The following GSTA5 variants were observed in gnomAD, a reference collection of about 807,000 sequenced individuals.
GSTA5 encodes glutathione S-transferase alpha 5, also known as glutathione S-transferase A5.
GSTA5 carries 25 observed loss-of-function variants against 21.8 expected under a neutral mutation model. That is an observed-to-expected ratio of 1.14 (90% CI 0.83 to 1.60). GSTA5 has a LOEUF of 1.60. GSTA5 is among the 40% of genes most tolerant of loss of function. The pLI is 0.00. For missense variants in GSTA5, 330 were observed against 259.2 expected, an observed-to-expected ratio of 1.27 and a Z score of -1.88; for synonymous variants, 102 against 89.5, an observed-to-expected ratio of 1.14 and a Z score of -0.78.
chr6:52,842,836 T>C (rs1447317187), upstream of GSTA5, among the ~76,000 whole-genome samples: 1 of 152,234 alleles, frequency 6.6e-6, no homozygotes, highest in East Asian at 1.9e-4. Flanking sequence ...CATGCCATGC[T>C]GGTTTGCTGC....
At chr6:52,835,972 T>C (rs1250778949) in intron 3 of GSTA5, among the ~76,000 whole-genome samples, 1 of 152,190 alleles carries the variant, frequency 6.6e-6, no homozygotes, top group Admixed American at 6.5e-5. Flanking sequence ...CCTCAGTTCA[T>C]AGGGTTTATG....
upstream of GSTA5, among the ~76,000 whole-genome samples, chr6:52,842,858 C>T (rs1406522218): frequency 6.6e-5 from 10 of 152,084 alleles, no homozygotes; most frequent in African/African-American, 9.7e-5. Context: ...CCTTTCAACC[C>T]GTCATCTATA....
In GSTA5 at chr6:52,834,203, C is replaced by G. The variant is rs1764259528; in HGVS notation, c.352G>C (p.Asp118His). 1 of 1,614,170 alleles carries G rather than the reference C, an allele frequency of 6.2e-7. No homozygotes were observed. Among genetic ancestry groups the G allele is most frequent in the Non-Finnish European group, 8.5e-7 (1 of 1,179,998 alleles). The change falls in exon 4 of 6, where the codon GAT becomes CAT. Residue 118 changes from aspartate (D) to histidine (H), a missense_variant. Transcript: ENST00000370989. ...TCTTTGACCAAGGCAGTCTTGGCATCTCTTTCCTCTGGTTGACATATGAGC... is the reference window on the plus strand; with the variant it reads ...TCTTTGACCAAGGCAGTCTTGGCATGTCTTTCCTCTGGTTGACATATGAGC...
chr6:52,831,889 C>T (rs771498535), exon 6 of GSTA5: 3 of 1,613,852 alleles, frequency 1.9e-6, no homozygotes, highest in East Asian at 2.2e-5. Flanking sequence ...AAAGATTTCT[C>T]ATCCATGGGA....
upstream of GSTA5, among the ~76,000 whole-genome samples, chr6:52,845,010 TTATC>T (rs1297256234): frequency 6.6e-6 from 1 of 152,198 alleles, no homozygotes; most frequent in Non-Finnish European, 1.5e-5. Context: ...TCATCATCTA[TTATC>T]TATCTATCCA....
intron 3 of GSTA5, among the ~76,000 whole-genome samples, chr6:52,835,235 A>G (rs1265892530): frequency 6.6e-6 from 1 of 152,224 alleles, no homozygotes; most frequent in East Asian, 1.9e-4. Flanking sequence ...ATGGATTTGA[A>G]TATCTGGACA....
intron 2 of GSTA5, among the ~76,000 whole-genome samples, chr6:52,837,256 G>A (rs1171943138): frequency 6.6e-6 from 1 of 152,110 alleles, no homozygotes; most frequent in Non-Finnish European, 1.5e-5. Context: ...GGCTCTATGG[G>A]ATCCTGTGCT....
chr6:52,834,269 T>A (rs1211857886), exon 4 of GSTA5: 1 of 1,611,620 alleles, frequency 6.2e-7, no homozygotes, highest in Non-Finnish European at 8.5e-7. Context: ...ATACCTTCTG[T>A]GTACATATCA....
chr6:52,837,744 G>A, intron 1 of GSTA5, 135 bp from the exon 2 acceptor site: 2 of 592,810 alleles, frequency 3.4e-6, no homozygotes, highest in Non-Finnish European at 5.9e-6. Flanking sequence ...AGAGGGGGCT[G>A]GTAATGGCCA....
chr6:52,837,568 C>T (rs750019307), exon 2 of GSTA5: 13 of 1,606,416 alleles, frequency 8.1e-6, no homozygotes, highest in Non-Finnish European at 9.4e-6. Context: ...CATTTCTTAA[C>T]TTGTCCAAAT....
At chr6:52,838,357 T>TA (rs1160628949) in intron 1 of GSTA5, among the ~76,000 whole-genome samples, 8 of 152,242 alleles carry the variant, frequency 5.3e-5, no homozygotes, top group African/African-American at 1.7e-4. Context: ...TGGGTATACT[T>TA]ACGGCACCTA....
intron 4 of GSTA5, among the ~76,000 whole-genome samples, 169 bp downstream of exon 4, chr6:52,833,972 T>C (rs1764254415): frequency 6.6e-6 from 1 of 152,182 alleles, no homozygotes; most frequent in South Asian, 2.1e-4. Context: ...AGTGGTACAA[T>C]TGTTCCTCCA....
intron 1 of GSTA5, among the ~76,000 whole-genome samples, chr6:52,838,466 T>C (rs75423762): frequency 0.031 from 4,750 of 152,348 alleles, 193 homozygotes; most frequent in East Asian, 0.2. Context: ...AAGTTATGTT[T>C]AGAATTTTGA....
chr6:52,839,824 T>C (rs115626582), intron 1 of GSTA5, among the ~76,000 whole-genome samples: 5 of 152,362 alleles, frequency 3.3e-5, no homozygotes, highest in Non-Finnish European at 7.4e-5. Flanking sequence ...ACTGGGAGGA[T>C]GACCTGGTAA....
intron 1 of GSTA5, 89 bp downstream of exon 1, chr6:52,840,638 A>C (rs1764359229): frequency 8.7e-7 from 1 of 1,152,956 alleles, no homozygotes; most frequent in Non-Finnish European, 1.3e-6. Flanking sequence ...ACAATGCTTC[A>C]GTAAGTAATC....
upstream of GSTA5, among the ~76,000 whole-genome samples, chr6:52,841,737 G>C (rs1354800878): frequency 6.6e-6 from 1 of 152,184 alleles, no homozygotes; most frequent in Non-Finnish European, 1.5e-5. Context: ...AATCACCTAA[G>C]GTGAAAGGCT....
chr6:52,834,080 C>T, intron 4 of GSTA5, 61 bp downstream of exon 4: 2 of 1,595,066 alleles, frequency 1.3e-6, no homozygotes, highest in African/African-American at 2.7e-5. Flanking sequence ...GAATGCCCAG[C>T]CACTATTTTT....
upstream of GSTA5, among the ~76,000 whole-genome samples, chr6:52,844,203 C>T (rs1764423130): frequency 6.6e-6 from 1 of 152,204 alleles, no homozygotes; most frequent in Non-Finnish European, 1.5e-5. Context: ...GCCTGAACTC[C>T]TTCTGATTGC....
intron 3 of GSTA5, 57 bp downstream of exon 3, chr6:52,836,178 GA>G: frequency 2.5e-6 from 4 of 1,591,950 alleles, no homozygotes; most frequent in Non-Finnish European, 3.4e-6. Context: ...CCCACTCAAA[GA>G]AGGACTTAAA....
Sources: allele counts gnomAD v4.1 joint callset (sites outside exome capture counted in the v4.1 genomes callset), GRCh38; gene constraint gnomAD v4.1.1; transcripts MANE v1.5; gene names NCBI Gene and HGNC (gene_info 2026-07-23, HGNC 2026-07-21).